The following CHP1 variants were observed in gnomAD, a reference collection of about 807,000 sequenced individuals.
CHP1 encodes the protein calcineurin like EF-hand protein 1, also known as calcineurin B homologous protein 1.
A neutral mutation model predicts 27.4 loss-of-function variants in CHP1; 11 were observed. That is an observed-to-expected ratio of 0.40 (90% CI 0.25 to 0.67). The LOEUF is 0.67. Ranked by LOEUF, CHP1 falls within the 30% of genes least tolerant of loss-of-function variation. The pLI is 0.38. For synonymous variants in CHP1, 89 were observed against 87.4 expected (o/e 1.02, Z -0.10); for missense variants, 169 against 251.3 (o/e 0.67, Z 2.22).
At chr15:41,277,319 T>C (rs1172323484) in intron 5 of CHP1, among the ~76,000 whole-genome samples, 3 of 152,148 alleles carry the variant, frequency 2.0e-5, no homozygotes, top group African/African-American at 7.2e-5. Context: ...CTATATGCAG[T>C]TGTAACATAA....
intron 2 of CHP1, among the ~76,000 whole-genome samples, chr15:41,247,257 T>A (rs918196473): frequency 6.6e-6 from 1 of 151,430 alleles, no homozygotes; most frequent in Non-Finnish European, 1.5e-5. Context: ...GAATTCCAGG[T>A]ACTTGGGAGG....
chr15:41,250,238 C>G (rs919035118), intron 2 of CHP1, among the ~76,000 whole-genome samples: 1 of 152,100 alleles, frequency 6.6e-6, no homozygotes, highest in African/African-American at 2.4e-5. Flanking sequence ...GAAGTGTTTG[C>G]CAAATTGATT....
chr15:41,254,000 C>G (rs1376520750), intron 2 of CHP1, among the ~76,000 whole-genome samples: 1 of 151,406 alleles, frequency 6.6e-6, no homozygotes, highest in African/African-American at 2.4e-5. Context: ...TGCTCTGTTG[C>G]CCAGGCTGGT....
intron 6 of CHP1, 78 bp from the exon 7 acceptor site, chr15:41,279,257 GA>G (rs1194181425): frequency 8.5e-6 from 10 of 1,182,748 alleles, no homozygotes; most frequent in East Asian, 4.7e-5. Flanking sequence ...AGGAAGGGGG[GA>G]AAACATTACT....
At chr15:41,250,377 C>A (rs1458901616) in intron 2 of CHP1, among the ~76,000 whole-genome samples, 1 of 152,006 alleles carries the variant, frequency 6.6e-6, no homozygotes, top group African/African-American at 2.4e-5. Flanking sequence ...TAAGATATTT[C>A]TACCATTGCC....
chr15:41,243,265 C>T (rs1429820582), intron 1 of CHP1, among the ~76,000 whole-genome samples: 1 of 152,068 alleles, frequency 6.6e-6, no homozygotes, highest in Non-Finnish European at 1.5e-5. Context: ...TGCTTGAACC[C>T]GGGAGGCAGA....
chr15:41,241,584 A>G (rs1481355227), intron 1 of CHP1, among the ~76,000 whole-genome samples: 1 of 152,178 alleles, frequency 6.6e-6, no homozygotes, highest in Non-Finnish European at 1.5e-5. Flanking sequence ...ACAGTCCACA[A>G]CTGTCTCCTT....
At position 41,251,213 on chromosome 15, in the gene CHP1, T is replaced by G. The variant is rs568036795; in HGVS notation, c.141-5697T>G. Among the ~76,000 whole-genome samples the G allele has an allele frequency of 2.6e-5, 4 of 152,160 alleles. No individual in the cohort carries two copies. In the East Asian group the frequency reaches 7.7e-4, roughly 29 times the overall value. On this transcript the variant is annotated intron_variant, in intron 2 of 6. Transcript: ENST00000334660. ...AATCAAAAGCATTGGACATGATAAA[T>G]TTTCACCAAGGGAAGACTATCCAGC...
At chr15:41,277,398 C>A (rs1480948983) in intron 5 of CHP1, among the ~76,000 whole-genome samples, 1 of 152,182 alleles carries the variant, frequency 6.6e-6, no homozygotes, top group East Asian at 1.9e-4. Context: ...AATCTCGGCA[C>A]TTTGGGAGGT....
chr15:41,241,906 G>T (rs1293270641), intron 1 of CHP1, among the ~76,000 whole-genome samples: 2 of 152,064 alleles, frequency 1.3e-5, no homozygotes, highest in Non-Finnish European at 2.9e-5. Context: ...GTACAGCCTC[G>T]GACAAAGTCC....
At chr15:41,260,376 A>C (rs1368889353) in intron 3 of CHP1, among the ~76,000 whole-genome samples, 1 of 150,084 alleles carries the variant, frequency 6.7e-6, no homozygotes, top group African/African-American at 2.5e-5. Context: ...GGCTTTATAC[A>C]CAAGAGGTCT....
intron 5 of CHP1, among the ~76,000 whole-genome samples, chr15:41,272,831 G>A (rs1239558391): frequency 6.6e-6 from 1 of 152,068 alleles, no homozygotes; most frequent in African/African-American, 2.4e-5. Context: ...GGTGGATCCC[G>A]AGGTCAGGAG....
chr15:41,279,604 A>G lies in CHP1; in HGVS notation c.*215A>G, dbSNP rs2047536103. 4.0e-6 allele frequency: 2 copies of G among 505,964 alleles called. No individual in the cohort carries two copies. The highest frequency in any genetic ancestry group is 3.5e-6 in the Non-Finnish European group (1 of 283,964). 31.3% of individuals were successfully genotyped at this position (505,964 alleles called of 1,614,324 possible). On this transcript the variant is annotated 3_prime_UTR_variant, in exon 7 of 7. Transcript: ENST00000334660. Reference sequence around the variant, plus strand: ...TACACCCTATATATTTCTGTTCAGTATCCATTCACTAGTTCTTCATTTATA... The same window carrying G: ...TACACCCTATATATTTCTGTTCAGTGTCCATTCACTAGTTCTTCATTTATA...
intron 5 of CHP1, among the ~76,000 whole-genome samples, chr15:41,276,807 AAGG>A: frequency 6.6e-6 from 1 of 152,196 alleles, no homozygotes; most frequent in East Asian, 1.9e-4. Context: ...TTAAATCAAT[AAGG>A]AACTAGTTAG....
At chr15:41,246,258 G>A (rs758688070) in intron 2 of CHP1, among the ~76,000 whole-genome samples, 95 of 151,318 alleles carry the variant, frequency 6.3e-4, no homozygotes, top group Admixed American at 8.6e-4. Context: ...TTCTAAATGT[G>A]TGTGTTTTTA....
At chr15:41,278,041 T>C (rs2047527989) in intron 5 of CHP1, among the ~76,000 whole-genome samples, 1 of 150,666 alleles carries the variant, frequency 6.6e-6, no homozygotes, top group Admixed American at 6.6e-5. Flanking sequence ...TTTTAACAAA[T>C]TTTTTGGCCG....
chr15:41,235,627 A>G (rs2140920618), intron 1 of CHP1, among the ~76,000 whole-genome samples: 1 of 152,360 alleles, frequency 6.6e-6, no homozygotes, highest in Non-Finnish European at 1.5e-5. Context: ...CTTTTGGTAT[A>G]TGTCATGTGG....
rs2047538867 is a variant in CHP1, at chr15:41,280,261, A to G, written c.*872A>G. 6.6e-6 allele frequency: 1 copy of G among 152,532 alleles called. No individual in the cohort carries two copies. Among genetic ancestry groups the G allele is most frequent in the South Asian group, 2.1e-4 (1 of 4,832 alleles). The allele number at this position is 152,532 out of a possible 1,614,324, so 9.4% of individuals were successfully genotyped here. A position where few individuals can be genotyped will look rare whatever the true frequency, so the allele number is the denominator to read the frequency against. On this transcript the variant is annotated 3_prime_UTR_variant, in exon 7 of 7. Transcript: ENST00000334660. ...TGTTGACTGTTGAAAAAGCAGCAGT[A>G]TGCTTACAGGTTTGCTTAGTTTGGG... is the stretch of plus-strand genomic sequence containing the variant.
chr15:41,273,896 A>G (rs1468782873), intron 5 of CHP1, among the ~76,000 whole-genome samples: 1 of 151,300 alleles, frequency 6.6e-6, no homozygotes, highest in Non-Finnish European at 1.5e-5. Context: ...AGCTGAGATC[A>G]TGCCACTGCT....
Sources: gnomAD v4.1 joint callset for allele counts (sites outside exome capture counted in the v4.1 genomes callset) on GRCh38, gnomAD v4.1.1 for gene constraint, MANE v1.5 for transcripts, NCBI Gene and HGNC (gene_info 2026-07-23, HGNC 2026-07-21) for gene names.